TBC1D5: variants seen among roughly 807,000 people sequenced by gnomAD.
TBC1D5 encodes the protein TBC1 domain family, member 5.
A neutral mutation model predicts 100.3 loss-of-function variants in TBC1D5; 75 were observed. The ratio of observed to expected loss-of-function variants is 0.75; its 90% CI spans 0.62 to 0.91. The LOEUF is 0.91. TBC1D5 is among the 40% of genes least tolerant of loss of function. TBC1D5 has a pLI of 0.00. For synonymous variants in TBC1D5, 323 were observed against 325.6 expected, an observed-to-expected ratio of 0.99 and a Z score of 0.09; for missense variants, 910 against 942.4, an observed-to-expected ratio of 0.97 and a Z score of 0.45.
Position 17,194,388 on chromosome 3 carries a change from A to G in TBC1D5, c.1753-9180T>C, listed in dbSNP as rs536524287. ...GACAAGCTTCCAGGAGAGCCTTCCAATCTCCCTGAGTTAGTTTTGTACTGA... is the reference window on the plus strand; with the variant it reads ...GACAAGCTTCCAGGAGAGCCTTCCAGTCTCCCTGAGTTAGTTTTGTACTGA... On this transcript the variant is annotated intron_variant, in intron 18 of 21. Transcript: ENST00000253692. Among the ~76,000 whole-genome samples, 6 of 152,292 alleles carry G rather than the reference A, an allele frequency of 3.9e-5. No homozygotes were observed. The South Asian group carries it at 1.2e-3, about 32-fold the overall frequency.
intron 8 of TBC1D5, among the ~76,000 whole-genome samples, chr3:17,388,244 TAAC>T (rs1219659892): frequency 4.6e-5 from 7 of 152,062 alleles, no homozygotes; most frequent in East Asian, 1.9e-4. Context: ...TACACAATAA[TAAC>T]AAGAGCCATC....
chr3:17,449,341 T>C (rs1340107090), intron 3 of TBC1D5, among the ~76,000 whole-genome samples: 2 of 151,676 alleles, frequency 1.3e-5, no homozygotes, highest in African/African-American at 2.4e-5. Context: ...CTAGTAGGAG[T>C]TTTTTTCATA....
At chr3:17,625,978 T>C (rs958894064) in intron 1 of TBC1D5, among the ~76,000 whole-genome samples, 1 of 152,162 alleles carries the variant, frequency 6.6e-6, no homozygotes, top group African/African-American at 2.4e-5. Flanking sequence ...ACTAAAATTA[T>C]TTTAATGTCG....
intron 13 of TBC1D5, among the ~76,000 whole-genome samples, chr3:17,365,079 A>T (rs1044066191): frequency 6.6e-6 from 1 of 152,216 alleles, no homozygotes; most frequent in Non-Finnish European, 1.5e-5. Flanking sequence ...AATTAAGTAG[A>T]CTTAAGATAC....
intron 1 of TBC1D5, among the ~76,000 whole-genome samples, chr3:17,703,919 T>G (rs1012935938): frequency 4.0e-5 from 6 of 151,310 alleles, no homozygotes; most frequent in Non-Finnish European, 5.9e-5. Context: ...TTTTTGTTTT[T>G]TTTTTTTTAA....
At chr3:17,501,419 T>A (rs1038914791) in intron 3 of TBC1D5, among the ~76,000 whole-genome samples, 1 of 149,412 alleles carries the variant, frequency 6.7e-6, no homozygotes, top group African/African-American at 2.5e-5. Flanking sequence ...ATTAGATAGG[T>A]ACATTTAATA....
intron 1 of TBC1D5, among the ~76,000 whole-genome samples, chr3:17,681,970 T>C (rs574097230): frequency 6.6e-6 from 1 of 151,572 alleles, no homozygotes; most frequent in African/African-American, 2.4e-5. Flanking sequence ...CTAGGTTGCC[T>C]GCACCTTATG....
chr3:17,305,715 T>C (rs1490180087), intron 14 of TBC1D5, among the ~76,000 whole-genome samples: 1 of 152,174 alleles, frequency 6.6e-6, no homozygotes, highest in Non-Finnish European at 1.5e-5. Context: ...TCCCAGTCAC[T>C]CATACCTCCA....
At chr3:17,546,556 G>C (rs899144339) in intron 2 of TBC1D5, among the ~76,000 whole-genome samples, 1 of 151,654 alleles carries the variant, frequency 6.6e-6, no homozygotes, top group Non-Finnish European at 1.5e-5. Context: ...CTGAGCTCAG[G>C]AGTTTGAAAC....
Position 17,581,675 on chromosome 3 carries a change from T to C in TBC1D5, c.-36+42174A>G, listed in dbSNP as rs181124054. Among the ~76,000 whole-genome samples the C allele has an allele frequency of 2.0e-5, 3 of 152,332 alleles. No homozygotes were observed. In the East Asian group the frequency reaches 5.8e-4, roughly 29 times the overall value. ...TATGTCTCACCTGGAATCTTCTACATGATCTCTCTGCTTCTGCCCTCGCTC... is the reference window on the plus strand; with the variant it reads ...TATGTCTCACCTGGAATCTTCTACACGATCTCTCTGCTTCTGCCCTCGCTC... On this transcript the variant is annotated intron_variant, in intron 2 of 21. Coordinates refer to ENST00000253692, the Ensembl canonical transcript of TBC1D5.
At chr3:17,531,799 T>G (rs201435882) in intron 2 of TBC1D5, among the ~76,000 whole-genome samples, 2,512 of 152,340 alleles carry the variant, frequency 0.016, 50 homozygotes, top group South Asian at 0.047. Flanking sequence ...AAGCTGAAAC[T>G]GGATCCCTTC....
chr3:17,207,270 T>G (rs1006419822), intron 18 of TBC1D5, among the ~76,000 whole-genome samples: 1 of 152,200 alleles, frequency 6.6e-6, no homozygotes, highest in Non-Finnish European at 1.5e-5. Context: ...AAGTAAAAAT[T>G]TATTTAACAG....
chr3:17,498,550 A>T (rs1260455602), intron 3 of TBC1D5, among the ~76,000 whole-genome samples: 4 of 152,234 alleles, frequency 2.6e-5, no homozygotes, highest in Non-Finnish European at 4.4e-5. Flanking sequence ...CAATTACTGA[A>T]GTAATAAAAA....
chr3:17,660,172 T>C (rs748256365), intron 1 of TBC1D5, among the ~76,000 whole-genome samples: 40 of 152,236 alleles, frequency 2.6e-4, no homozygotes, highest in Admixed American at 4.6e-4. Flanking sequence ...AACATGATTT[T>C]CATTTCTGTG....
At chr3:17,622,024 T>C (rs1179440383) in intron 2 of TBC1D5, among the ~76,000 whole-genome samples, 6 of 152,194 alleles carry the variant, frequency 3.9e-5, no homozygotes, top group Non-Finnish European at 8.8e-5. Flanking sequence ...ATGCTCACTT[T>C]CTAATTAAGC....
At chr3:17,631,150 G>A (rs143433304) in intron 1 of TBC1D5, among the ~76,000 whole-genome samples, 8 of 151,936 alleles carry the variant, frequency 5.3e-5, no homozygotes, top group Non-Finnish European at 8.8e-5. Flanking sequence ...ATGAACACAT[G>A]AATGTTAAGA....
At chr3:17,516,717 C>T (rs1171550093) in intron 2 of TBC1D5, among the ~76,000 whole-genome samples, 2 of 152,160 alleles carry the variant, frequency 1.3e-5, no homozygotes, top group Admixed American at 1.3e-4. Flanking sequence ...AAAACCTATT[C>T]ATTAATTCAT....
At chr3:17,196,892 G>A (rs145498581) in intron 18 of TBC1D5, among the ~76,000 whole-genome samples, 1 of 152,206 alleles carries the variant, frequency 6.6e-6, no homozygotes, top group East Asian at 1.9e-4. Flanking sequence ...AATGTATTAG[G>A]GAATAATTGA....
chr3:17,374,533 A>G (rs1336563932), exon 12 of TBC1D5: 1 of 1,611,822 alleles, frequency 6.2e-7, no homozygotes, highest in South Asian at 1.1e-5. Context: ...AGTTGTGAGA[A>G]CACTGCACTA....
Sources: gnomAD v4.1 joint callset for allele counts (sites outside exome capture counted in the v4.1 genomes callset) on GRCh38, gnomAD v4.1.1 for gene constraint, MANE v1.5 for transcripts, NCBI Gene and HGNC (gene_info 2026-07-23, HGNC 2026-07-21) for gene names.